Variants in TIAM2 observed in about 807,000 individuals in gnomAD.
The protein encoded by TIAM2 is TIAM Rac1 associated GEF 2.
A neutral mutation model predicts 152.9 loss-of-function variants in TIAM2; 80 were observed. The observed-to-expected ratio is 0.52, with a 90% CI of 0.44 to 0.63. TIAM2 has a LOEUF of 0.63. Among genes scored for constraint, TIAM2 ranks in the 30% least tolerant of loss-of-function variants. The pLI is 0.00. For synonymous variants in TIAM2, 804 were observed against 838.0 expected (o/e 0.96, Z 0.70); for missense variants, 1,965 against 2,120.1 (o/e 0.93, Z 1.44).
At chr6:155,015,785 G>A (rs1031441739) in intron 1 of TIAM2, among the ~76,000 whole-genome samples, 6 of 151,370 alleles carry the variant, frequency 4.0e-5, no homozygotes, top group Admixed American at 1.3e-4. Flanking sequence ...AAAAATACAA[G>A]AATTAGCTGG....
rs1781773117 is a variant in TIAM2, at chr6:155,213,538, GCAGAC to G, written c.3168+2233_3168+2237del. 1.3e-5 allele frequency among the ~76,000 whole-genome samples: 2 copies of G among 152,182 alleles called. No individual in the cohort carries two copies. The highest frequency in any genetic ancestry group is 6.5e-5 in the Admixed American group (1 of 15,284). ...ACTGATTGGTCCATAGTGGCCATGA[GCAGAC>G]CCAGAAAAAGCTCCATAAGTTCCCA... is the stretch of plus-strand genomic sequence containing the variant. On this transcript the variant is annotated intron_variant, in intron 15 of 26. Transcript: ENST00000682666. This position sits in a 1 kb window ranked among gnomAD's most constrained non-coding sequence, Gnocchi z 4.2.
intron 5 of TIAM2, among the ~76,000 whole-genome samples, chr6:155,139,800 C>A (rs190788504): frequency 3.3e-5 from 5 of 152,192 alleles, no homozygotes; most frequent in Non-Finnish European, 5.9e-5. Flanking sequence ...ATTAGCCTGG[C>A]ATGATGGCAG....
At chr6:155,136,862 A>G (rs1344011021) in intron 4 of TIAM2, among the ~76,000 whole-genome samples, 1 of 152,240 alleles carries the variant, frequency 6.6e-6, no homozygotes, top group African/African-American at 2.4e-5. Flanking sequence ...TCATTCTAGT[A>G]ATCTTCACTA....
chr6:155,036,441 G>A lies in TIAM2; in HGVS notation c.-209+40949G>A, dbSNP rs112947577. ...CCCAGCTACTTGGGAGGCTGAGGCAGGAGAATCACTTGAACCCGGGAGGTG... is the reference window on the plus strand; with the variant it reads ...CCCAGCTACTTGGGAGGCTGAGGCAAGAGAATCACTTGAACCCGGGAGGTG... On this transcript the variant is annotated intron_variant, in intron 1 of 26. Transcript: ENST00000682666. Among the ~76,000 whole-genome samples the A allele has an allele frequency of 8.3e-3, 1,255 of 150,438 alleles. 16 individuals carry two copies. The highest frequency in any genetic ancestry group is 0.029 in the African/African-American group (1,179 of 40,912).
In TIAM2 at chr6:155,096,670, G is replaced by A. The variant is rs1271578564; in HGVS notation, c.-118+6291G>A. Among the ~76,000 whole-genome samples, 3 of 152,034 alleles carry A rather than the reference G, an allele frequency of 2.0e-5. No homozygotes were observed. In the East Asian group the frequency reaches 5.8e-4, roughly 29 times the overall value. On this transcript the variant is annotated intron_variant, in intron 2 of 26. Coordinates refer to ENST00000682666, the MANE Select transcript of TIAM2 (RefSeq NM_012454.4). Reference sequence around the variant, plus strand: ...GACCTCCAGTTTCACCCACATTGCTGCAAATGACAGGATTTCATTCTTTTT... The same window carrying A: ...GACCTCCAGTTTCACCCACATTGCTACAAATGACAGGATTTCATTCTTTTT...
chr6:155,024,248 A>T (rs1196488414), intron 1 of TIAM2, among the ~76,000 whole-genome samples: 1 of 152,226 alleles, frequency 6.6e-6, no homozygotes, highest in African/African-American at 2.4e-5. Context: ...TGAATTCTAT[A>T]TCTGCTTTAG....
At chr6:155,161,512 GTC>G (rs1780268725) in intron 7 of TIAM2, among the ~76,000 whole-genome samples, 1 of 151,598 alleles carries the variant, frequency 6.6e-6, no homozygotes, top group East Asian at 1.9e-4. Context: ...ACAAGAGATT[GTC>G]TTCTTCCCCA....
At chr6:155,112,582 G>T (rs1778881530) in intron 2 of TIAM2, among the ~76,000 whole-genome samples, 1 of 152,036 alleles carries the variant, frequency 6.6e-6, no homozygotes, top group African/African-American at 2.4e-5. Flanking sequence ...CATCCAGTTT[G>T]TGTTTTAAAT....
At chr6:155,210,087 G>A (rs1284438304) in intron 14 of TIAM2, among the ~76,000 whole-genome samples, 1 of 152,152 alleles carries the variant, frequency 6.6e-6, no homozygotes, top group African/African-American at 2.4e-5. Flanking sequence ...GAATTACAAT[G>A]AAAACTTGTG....
intron 1 of TIAM2, among the ~76,000 whole-genome samples, chr6:155,006,185 C>A (rs1778398683): frequency 6.6e-6 from 1 of 152,106 alleles, no homozygotes; most frequent in Non-Finnish European, 1.5e-5. Context: ...AGCTGGTGAT[C>A]AGTGACCGAG....
chr6:155,007,057 G>A (rs140024675), intron 1 of TIAM2, among the ~76,000 whole-genome samples: 52 of 152,302 alleles, frequency 3.4e-4, no homozygotes, highest in African/African-American at 1.2e-3. Context: ...TAGGATTACA[G>A]GTGTAAGCCA....
chr6:155,043,385 T>C (rs949302910), intron 1 of TIAM2, among the ~76,000 whole-genome samples: 5 of 151,976 alleles, frequency 3.3e-5, no homozygotes, highest in Non-Finnish European at 5.9e-5. Flanking sequence ...TGCCAGCACT[T>C]TTTGGGAGGC....
chr6:155,113,773 T>C (rs946854834), intron 2 of TIAM2, among the ~76,000 whole-genome samples: 1 of 151,940 alleles, frequency 6.6e-6, no homozygotes, highest in African/African-American at 2.4e-5. Context: ...CACTTTAGTA[T>C]AAGCTCCATG....
intron 10 of TIAM2, 99 bp downstream of exon 10, chr6:155,177,076 T>G: frequency 1.7e-6 from 2 of 1,207,066 alleles, no homozygotes; most frequent in Non-Finnish European, 2.3e-6. Context: ...AAGGGCCCAG[T>G]TTCCATGCCA....
chr6:155,256,465 T>C lies in TIAM2; in HGVS notation c.4469-19T>C, dbSNP rs1204439297. ...AACCTGTTTCTGTATCACAGCGAAA[T>C]GTGTTTTTCTCACTGTAGCTTCATC... is the stretch of plus-strand genomic sequence containing the variant. On this transcript the variant is annotated intron_variant, in intron 26 of 26. Coordinates refer to ENST00000682666, the MANE Select transcript of TIAM2 (RefSeq NM_012454.4). 1 of 1,614,016 alleles carries C rather than the reference T, an allele frequency of 6.2e-7. No homozygotes were observed. The highest frequency in any genetic ancestry group is 1.7e-5 in the Admixed American group (1 of 60,024).
intron 2 of TIAM2, among the ~76,000 whole-genome samples, chr6:155,099,270 A>G (rs1244354452): frequency 2.7e-5 from 4 of 150,832 alleles, no homozygotes; most frequent in African/African-American, 9.7e-5. Flanking sequence ...GTAATAAAAT[A>G]TCTCATTTCC....
chr6:155,108,202 G>T (rs919660761), intron 2 of TIAM2, among the ~76,000 whole-genome samples: 10 of 152,164 alleles, frequency 6.6e-5, no homozygotes, highest in Admixed American at 4.6e-4. Context: ...CAGCTGTGCT[G>T]GGTCAGGGCT....
intron 15 of TIAM2, among the ~76,000 whole-genome samples, chr6:155,215,215 G>A (rs1781823964): frequency 6.6e-6 from 1 of 152,164 alleles, no homozygotes; most frequent in Admixed American, 6.5e-5. Context: ...TAAGGCCATT[G>A]CCAACTCTGT....
chr6:155,067,770 G>A (rs1304648328), intron 1 of TIAM2, among the ~76,000 whole-genome samples: 4 of 151,948 alleles, frequency 2.6e-5, no homozygotes, highest in Non-Finnish European at 5.9e-5. Context: ...AGCCTCCCAA[G>A]TACTGGGACT....
Sources: allele counts gnomAD v4.1 joint callset (sites outside exome capture counted in the v4.1 genomes callset), GRCh38; gene constraint gnomAD v4.1.1; non-coding constraint Gnocchi (gnomAD v3.1); transcripts MANE v1.5; gene names NCBI Gene and HGNC (gene_info 2026-07-23, HGNC 2026-07-21).